MBP: variants seen among roughly 807,000 people sequenced by gnomAD.
MBP encodes the protein Golli-MBP.
A neutral mutation model predicts 35.8 loss-of-function variants in MBP; 16 were observed. The observed-to-expected ratio is 0.45, with a 90% CI of 0.30 to 0.68. The LOEUF (loss-of-function observed/expected upper bound fraction) is 0.68. MBP is among the 30% of genes least tolerant of loss of function. The pLI is 0.08. For missense variants in MBP, 380 were observed against 404.7 expected (o/e 0.94, Z 0.52); for synonymous variants, 143 against 159.6 (o/e 0.90, Z 0.78).
chr18:77,031,484 T>G (rs1046111120), intron 3 of MBP, among the ~76,000 whole-genome samples: 3 of 152,104 alleles, frequency 2.0e-5, no homozygotes, highest in Non-Finnish European at 4.4e-5. Flanking sequence ...AGGCAGGGAG[T>G]ATTCCATTTG....
Position 77,015,684 on chromosome 18 carries a change from G to A in MBP, c.576+1148C>T, listed in dbSNP as rs986676494. 3 of 985,430 alleles carry A rather than the reference G, an allele frequency of 3.0e-6. No homozygotes were observed. In the East Asian group the frequency reaches 3.4e-4, roughly 112 times the overall value. The allele number at this position is 985,430 out of a possible 1,614,324, so 61.0% of individuals were successfully genotyped here. A position where few individuals can be genotyped will look rare whatever the true frequency, so the allele number is the denominator to read the frequency against. ...CTTCGATGTGCTTTCACGCCCACAG[G>A]AAAGGTAAAACTGACATTTGTGTTT... On this transcript the variant is annotated intron_variant, in intron 4 of 8. Transcript: ENST00000355994.
Position 76,980,312 on chromosome 18 carries a change from AG to A in MBP, c.*114del. 1 of 961,502 alleles carries A rather than the reference AG, an allele frequency of 1.0e-6. No individual in the cohort carries two copies. Among genetic ancestry groups the A allele is most frequent in the East Asian group, 2.4e-5 (1 of 41,926 alleles). 59.6% of individuals were successfully genotyped at this position (961,502 alleles called of 1,614,324 possible). Reference sequence around the variant, plus strand: ...GACCCTACTACGTGCACAACTCCGCAGGCATTAGGGGAGGGGTCATCTGCTC... The same window carrying A: ...GACCCTACTACGTGCACAACTCCGCAGCATTAGGGGAGGGGTCATCTGCTC... On this transcript the variant is annotated 3_prime_UTR_variant, in exon 9 of 9. Transcript: ENST00000355994.
intron 7 of MBP, 50 bp from the exon 8 acceptor site, chr18:76,984,944 G>A (rs745516016): frequency 2.7e-5 from 44 of 1,604,232 alleles, no homozygotes; most frequent in Non-Finnish European, 3.5e-5. Context: ...TGCTGGGCAC[G>A]CTGCTTGAGC....
At chr18:77,061,922 T>C (rs943236224) in intron 3 of MBP, among the ~76,000 whole-genome samples, 3 of 152,262 alleles carry the variant, frequency 2.0e-5, no homozygotes, top group African/African-American at 7.2e-5. Context: ...TGACTCTTCA[T>C]GGGGGTTTGC....
chr18:77,034,303 T>C (rs1421596085), intron 3 of MBP, among the ~76,000 whole-genome samples: 2 of 151,878 alleles, frequency 1.3e-5, no homozygotes, highest in African/African-American at 4.8e-5. Flanking sequence ...CATTCTACAG[T>C]CTACAGAGCT....
At chr18:76,998,225 C>T (rs1970423622) in intron 4 of MBP, among the ~76,000 whole-genome samples, 1 of 152,206 alleles carries the variant, frequency 6.6e-6, no homozygotes, top group South Asian at 2.1e-4. Flanking sequence ...GAACGGGCCA[C>T]CCGAGGGGCC....
rs910764406 is a variant in MBP at position 77,021,868 on chromosome 18, A to G, written c.140-4600T>C. On this transcript the variant is annotated intron_variant, in intron 3 of 8. Transcript: ENST00000355994. ...GTGTATTTCCCGGGGTCTTTGGCCAACTGCAGCGGGTGGCCTTTTTTGAAT... is the reference window on the plus strand; with the variant it reads ...GTGTATTTCCCGGGGTCTTTGGCCAGCTGCAGCGGGTGGCCTTTTTTGAAT... Among the ~76,000 whole-genome samples, 3 of 152,116 alleles carry G rather than the reference A, an allele frequency of 2.0e-5. No homozygotes were observed. In the East Asian group the frequency reaches 5.8e-4, roughly 29 times the overall value.
chr18:76,991,784 A>C (rs1969939195), intron 4 of MBP, among the ~76,000 whole-genome samples: 1 of 152,196 alleles, frequency 6.6e-6, no homozygotes, highest in African/African-American at 2.4e-5. Context: ...AAATCAGTTA[A>C]ATGCACGGAA....
intron 3 of MBP, among the ~76,000 whole-genome samples, chr18:77,051,763 G>A (rs1286436584): frequency 1.3e-5 from 2 of 152,198 alleles, no homozygotes; most frequent in Admixed American, 6.5e-5. Context: ...TGACAGTGAT[G>A]GGGTTCAGTT....
chr18:77,113,096 A>G (rs1439072046), intron 1 of MBP: 2 of 151,940 alleles, frequency 1.3e-5, no homozygotes. Context: ...CCGCCACCAC[A>G]CCTGGCTAAT....
intron 4 of MBP, among the ~76,000 whole-genome samples, chr18:77,007,639 C>G (rs1971067513): frequency 6.6e-6 from 1 of 152,198 alleles, no homozygotes; most frequent in Non-Finnish European, 1.5e-5. Context: ...CACACACACC[C>G]CCACACAAAC....
rs184713237 is a variant in MBP at position 77,044,602 on chromosome 18, C to T, written c.139+21696G>A. Among the ~76,000 whole-genome samples, 10 of 152,280 alleles carry T rather than the reference C, an allele frequency of 6.6e-5. No homozygotes were observed. The East Asian group carries it at 7.7e-4, about 12-fold the overall frequency. On this transcript the variant is annotated intron_variant, in intron 3 of 8. Coordinates refer to ENST00000355994, the MANE Select transcript of MBP (RefSeq NM_001025101.2). This position sits in a 1 kb window ranked among gnomAD's most constrained non-coding sequence, Gnocchi z 4.4. ...CCCACCTCCCTCCTCGCACCTGGGA[C>T]GCAGGTGCCCTCCGGTCACACCCTT... is the stretch of plus-strand genomic sequence containing the variant.
intron 3 of MBP, among the ~76,000 whole-genome samples, chr18:77,042,294 G>C (rs1227103230): frequency 6.9e-6 from 1 of 145,442 alleles, no homozygotes. Context: ...CTCCCCGGGG[G>C]ACCTGACTCT....
chr18:77,075,570 T>C lies in MBP; in HGVS notation c.52-9185A>G, dbSNP rs558735892. Among the ~76,000 whole-genome samples, 18 of 152,294 alleles carry C rather than the reference T, an allele frequency of 1.2e-4. 1 individual carries two copies. The East Asian group carries it at 1.9e-3, about 16-fold the overall frequency. On this transcript the variant is annotated intron_variant, in intron 2 of 8. Transcript: ENST00000355994. ...AGGGTGCAGCCATCTGATTTTGATA[T>C]GCAAGCCCCTCTTTGACTATAGCAG...
intron 2 of MBP, among the ~76,000 whole-genome samples, chr18:77,092,663 GT>G (rs1975583569): frequency 6.6e-6 from 1 of 152,166 alleles, no homozygotes; most frequent in African/African-American, 2.4e-5. Context: ...CAAGCCACAA[GT>G]TACAGACGCA....
At chr18:76,996,549 A>C (rs1190009917) in intron 4 of MBP, among the ~76,000 whole-genome samples, 1 of 152,230 alleles carries the variant, frequency 6.6e-6, no homozygotes, top group Non-Finnish European at 1.5e-5. Context: ...CAATAAAAAT[A>C]CAAACTCTTG....
intron 2 of MBP, among the ~76,000 whole-genome samples, chr18:77,073,593 C>T (rs1028345860): frequency 4.6e-5 from 7 of 152,340 alleles, no homozygotes; most frequent in Admixed American, 1.3e-4. Flanking sequence ...TGCCCTGCTC[C>T]GCAGGGAGAC....
intron 4 of MBP, chr18:77,013,086 C>A: frequency 1.0e-6 from 1 of 985,424 alleles, no homozygotes; most frequent in Admixed American, 6.1e-5. Context: ...AGCCTCCGAT[C>A]AATAACTGAT....
At chr18:77,058,182 G>A (rs1415000247) in intron 3 of MBP, among the ~76,000 whole-genome samples, 1 of 152,156 alleles carries the variant, frequency 6.6e-6, no homozygotes, top group Non-Finnish European at 1.5e-5. Flanking sequence ...GGGACCCTCC[G>A]GGGAGAAGAG....
Sources: allele counts gnomAD v4.1 joint callset (sites outside exome capture counted in the v4.1 genomes callset), GRCh38; gene constraint gnomAD v4.1.1; non-coding constraint Gnocchi (gnomAD v3.1); transcripts MANE v1.5; gene names NCBI Gene and HGNC (gene_info 2026-07-23, HGNC 2026-07-21).